The following PPP2R2B variants were observed in gnomAD, a reference collection of about 807,000 sequenced individuals.
PPP2R2B encodes serine/threonine-protein phosphatase 2A 55 kDa regulatory subunit B beta isoform.
A neutral mutation model predicts 46.0 loss-of-function variants in PPP2R2B; 5 were observed. The observed-to-expected ratio is 0.11, with a 90% confidence interval of 0.06 to 0.23. The LOEUF (loss-of-function observed/expected upper bound fraction) is 0.23. Among genes scored for constraint, PPP2R2B ranks in the 10% least tolerant of loss-of-function variants. The pLI, the probability that PPP2R2B is intolerant of heterozygous loss-of-function variation, is 1.00. For synonymous variants in PPP2R2B, 215 were observed against 206.7 expected (o/e 1.04, Z -0.34); for missense variants, 367 against 575.0 (o/e 0.64, Z 3.70).
chr5:147,005,811 G>A (rs1427427923), intron 1 of PPP2R2B, among the ~76,000 whole-genome samples: 9 of 148,100 alleles, frequency 6.1e-5, no homozygotes, highest in Admixed American at 6.0e-4. Flanking sequence ...CAAAGAAGAA[G>A]TCAAACAGAG....
At chr5:146,744,329 C>G (rs778722432) in intron 2 of PPP2R2B, among the ~76,000 whole-genome samples, 1 of 152,118 alleles carries the variant, frequency 6.6e-6, no homozygotes, top group Non-Finnish European at 1.5e-5. Context: ...TCTCCGCAGC[C>G]AAAGAAGCAA....
At chr5:147,057,171 A>G (rs1757112488), upstream of PPP2R2B, among the ~76,000 whole-genome samples, 1 of 152,206 alleles carries the variant, frequency 6.6e-6, no homozygotes, top group South Asian at 2.1e-4. Context: ...ATGTCAATCC[A>G]TTCCCCCACC....
chr5:146,995,138 T>A (rs1234232568), intron 1 of PPP2R2B, among the ~76,000 whole-genome samples: 1 of 152,246 alleles, frequency 6.6e-6, no homozygotes, highest in African/African-American at 2.4e-5. Flanking sequence ...TCTAATAACA[T>A]TCTTCAAGAC....
chr5:146,759,753 TC>T (rs770666664), intron 2 of PPP2R2B, among the ~76,000 whole-genome samples: 289 of 150,946 alleles, frequency 1.9e-3, no homozygotes, highest in Non-Finnish European at 3.5e-3. Context: ...ATCCATTTCT[TC>T]CCTTTTTTTT....
intron 1 of PPP2R2B, among the ~76,000 whole-genome samples, chr5:146,969,024 G>A (rs1752554932): frequency 6.6e-6 from 1 of 152,236 alleles, no homozygotes; most frequent in Admixed American, 6.5e-5. Context: ...CCAGCCAGCG[G>A]GTATTTGTCA....
chr5:147,053,264 A>AAACAC (rs1022787650), intron 1 of PPP2R2B, among the ~76,000 whole-genome samples: 1 of 151,874 alleles, frequency 6.6e-6, no homozygotes, highest in South Asian at 2.1e-4. Context: ...AAACAAAACA[A>AAACAC]ACAAACAAAA....
chr5:146,882,425 T>G (rs1762197574), upstream of PPP2R2B, among the ~76,000 whole-genome samples: 1 of 152,194 alleles, frequency 6.6e-6, no homozygotes, highest in South Asian at 2.1e-4. Flanking sequence ...CAGACTATAG[T>G]GCAATGTTAA....
Position 146,633,485 on chromosome 5 carries a change from T to C in PPP2R2B, c.790+4766A>G, listed in dbSNP as rs532077739. Among the ~76,000 whole-genome samples the C allele has an allele frequency of 4.6e-5, 7 of 152,370 alleles. No homozygotes were observed. The East Asian group carries it at 1.2e-3, about 25-fold the overall frequency. ...ACTTGTTTTCCCAGCTGGCAGGAGC[T>C]GGGGCTCGTAGCCGCAGCAGCTGAA... On this transcript the variant is annotated intron_variant, in intron 7 of 9. Coordinates refer to ENST00000394411, the MANE Select transcript of PPP2R2B (RefSeq NM_181675.4).
intron 1 of PPP2R2B, among the ~76,000 whole-genome samples, chr5:146,997,998 T>C (rs1753998330): frequency 1.3e-5 from 2 of 152,184 alleles, no homozygotes; most frequent in African/African-American, 4.8e-5. Context: ...AGTTGTACTC[T>C]AGGGAAACAA....
chr5:146,866,301 A>ATTG (rs1257006638), intron 2 of PPP2R2B, among the ~76,000 whole-genome samples: 1 of 152,206 alleles, frequency 6.6e-6, no homozygotes, highest in Non-Finnish European at 1.5e-5. Flanking sequence ...CAGAAAAATT[A>ATTG]TTGTATTGTA....
intron 1 of PPP2R2B, among the ~76,000 whole-genome samples, chr5:146,968,665 A>G (rs933796125): frequency 2.0e-5 from 3 of 152,226 alleles, no homozygotes; most frequent in Admixed American, 1.3e-4. Context: ...AATCTGCATT[A>G]TTGACATTTC....
chr5:146,847,121 C>A (rs1471860067), intron 2 of PPP2R2B, among the ~76,000 whole-genome samples: 1 of 152,206 alleles, frequency 6.6e-6, no homozygotes, highest in African/African-American at 2.4e-5. Context: ...AATCTCTCAA[C>A]TGATCTGTAT....
chr5:146,766,526 T>C (rs944359489), intron 2 of PPP2R2B, among the ~76,000 whole-genome samples: 1 of 152,194 alleles, frequency 6.6e-6, no homozygotes, highest in Non-Finnish European at 1.5e-5. Context: ...TAATTCCTTC[T>C]GATAACACAG....
At chr5:146,728,325 T>A (rs986107800) in intron 2 of PPP2R2B, among the ~76,000 whole-genome samples, 9 of 152,122 alleles carry the variant, frequency 5.9e-5, no homozygotes, top group Admixed American at 4.6e-4. Context: ...AGAATATTTT[T>A]AAATAAGACC....
chr5:147,058,392 T>A (rs1757156588), upstream of PPP2R2B, among the ~76,000 whole-genome samples: 1 of 152,184 alleles, frequency 6.6e-6, no homozygotes, highest in Non-Finnish European at 1.5e-5. Flanking sequence ...TAGCGAATAC[T>A]TTCTAAGTCA....
chr5:146,687,450 A>T (rs937170155), intron 5 of PPP2R2B, among the ~76,000 whole-genome samples: 7 of 152,038 alleles, frequency 4.6e-5, no homozygotes, highest in Non-Finnish European at 8.8e-5. Flanking sequence ...GCAGATAGAG[A>T]GTGCAGCGTG....
intron 1 of PPP2R2B, among the ~76,000 whole-genome samples, chr5:146,926,202 G>A (rs1763777378): frequency 6.6e-6 from 1 of 151,768 alleles, no homozygotes; most frequent in African/African-American, 2.4e-5. Context: ...CTTAAAAATG[G>A]GACATTTAAG....
chr5:146,864,717 G>T (rs1009477448), intron 2 of PPP2R2B, among the ~76,000 whole-genome samples: 8 of 152,140 alleles, frequency 5.3e-5, no homozygotes, highest in Non-Finnish European at 1.2e-4. Flanking sequence ...TCTCAGAAAG[G>T]GTCGAAGTAC....
chr5:147,042,158 T>C (rs1211663574), intron 1 of PPP2R2B, among the ~76,000 whole-genome samples: 1 of 152,192 alleles, frequency 6.6e-6, no homozygotes, highest in East Asian at 1.9e-4. Flanking sequence ...CTGTTTACTT[T>C]CCTGTAACCA....
Sources: allele counts gnomAD v4.1 joint callset (sites outside exome capture counted in the v4.1 genomes callset), GRCh38; gene constraint gnomAD v4.1.1; transcripts MANE v1.5; gene names NCBI Gene and HGNC (gene_info 2026-07-23, HGNC 2026-07-21).